The following EPHA10 variants were observed in gnomAD, a reference collection of about 807,000 sequenced individuals.
EPHA10 encodes EPH receptor A10.
EPHA10 carries 120 observed loss-of-function variants against 109.7 expected under a neutral mutation model. The ratio of observed to expected loss-of-function variants is 1.09; its 90% CI spans 0.94 to 1.27. The LOEUF (loss-of-function observed/expected upper bound fraction) is 1.27. Among genes scored for constraint, EPHA10 ranks in the 50% most tolerant of loss-of-function variants. The pLI, the probability that EPHA10 is intolerant of heterozygous loss-of-function variation, is 0.00. For missense variants in EPHA10, 1,396 were observed against 1,411.1 expected, an observed-to-expected ratio of 0.99 and a Z score of 0.17; for synonymous variants, 640 against 618.9, an observed-to-expected ratio of 1.03 and a Z score of -0.51.
chr1:37,730,309 G>A (rs958305127), intron 7 of EPHA10, among the ~76,000 whole-genome samples: 34 of 152,266 alleles, frequency 2.2e-4, no homozygotes, highest in African/African-American at 8.2e-4. Context: ...TCTTGGATTA[G>A]AGTCATGTAG....
Position 37,717,544 on chromosome 1 carries a change from G to GA in EPHA10, c.*827dup, listed in dbSNP as rs944808153. 8 of 231,554 alleles carry GA rather than the reference G, an allele frequency of 3.5e-5. No homozygotes were observed. Among genetic ancestry groups the GA allele is most frequent in the Admixed American group, 5.6e-5 (1 of 17,732 alleles). The allele number at this position is 231,554 out of a possible 1,614,324, so 14.3% of individuals were successfully genotyped here. A position where few individuals can be genotyped will look rare whatever the true frequency, so the allele number is the denominator to read the frequency against. On this transcript the variant is annotated 3_prime_UTR_variant, in exon 17 of 17. Coordinates refer to ENST00000373048, the MANE Select transcript of EPHA10 (RefSeq NM_001099439.2). ...TCTTCACCCTCCCCATGGCTGGAGA[G>GA]AAAAGCTCTTGGGTCCCTGGGGAGA...
At chr1:37,757,381 C>T (rs1646398789) in intron 3 of EPHA10, among the ~76,000 whole-genome samples, 1 of 152,174 alleles carries the variant, frequency 6.6e-6, no homozygotes, top group Non-Finnish European at 1.5e-5. Context: ...CCAATCATTT[C>T]CCTTCCCTTC....
intron 7 of EPHA10, among the ~76,000 whole-genome samples, chr1:37,727,871 C>T (rs1027390522): frequency 2.0e-5 from 3 of 152,208 alleles, no homozygotes; most frequent in Non-Finnish European, 2.9e-5. Flanking sequence ...AGAGGACCCT[C>T]GCTCTCAGCC....
intron 6 of EPHA10, among the ~76,000 whole-genome samples, chr1:37,732,910 G>A (rs1198049454): frequency 2.0e-5 from 1 of 49,410 alleles, no homozygotes; most frequent in Non-Finnish European, 3.6e-5. Flanking sequence ...TTTTTTTTGA[G>A]GCAGAGTCTT....
intron 5 of EPHA10, among the ~76,000 whole-genome samples, chr1:37,741,703 A>G (rs1052991847): frequency 6.6e-6 from 1 of 151,764 alleles, no homozygotes; most frequent in Non-Finnish European, 1.5e-5. Flanking sequence ...ATTGCCTCCC[A>G]TTCTAAAAAT....
At chr1:37,724,253 A>C (rs1569643708) in intron 8 of EPHA10, among the ~76,000 whole-genome samples, 1 of 152,216 alleles carries the variant, frequency 6.6e-6, no homozygotes, top group African/African-American at 2.4e-5. Context: ...GAAGTTGCCC[A>C]CAGTTTATGG....
rs1019379485 is a variant in EPHA10, at chr1:37,718,139, A to T, written c.*233T>A. ...TGCTGTTATCTCAGGGGTCCTCCCT[A>T]GGGATTTGAACCTCTTTTCAGGGGC... is the stretch of plus-strand genomic sequence containing the variant. On this transcript the variant is annotated 3_prime_UTR_variant, in exon 17 of 17. Transcript: ENST00000373048. 1.9e-6 allele frequency: 1 copy of T among 531,504 alleles called. No homozygotes were observed. The highest frequency in any genetic ancestry group is 3.3e-6 in the Non-Finnish European group (1 of 301,562). 32.9% of individuals were successfully genotyped at this position (531,504 alleles called of 1,614,324 possible).
chr1:37,763,909 CT>C (rs1305920551), intron 1 of EPHA10, among the ~76,000 whole-genome samples: 4 of 152,186 alleles, frequency 2.6e-5, no homozygotes, highest in Non-Finnish European at 2.9e-5. Context: ...ACTTCCACTG[CT>C]TTTGAAAGAA....
At chr1:37,733,472 G>T (rs927296518) in intron 6 of EPHA10, among the ~76,000 whole-genome samples, 4 of 152,168 alleles carry the variant, frequency 2.6e-5, no homozygotes, top group Non-Finnish European at 4.4e-5. Flanking sequence ...TCCCGTCTCA[G>T]CTTCCCAAAG....
rs995499579 is a variant in EPHA10 at position 37,717,312 on chromosome 1, G to A, written c.*1060C>T. On this transcript the variant is annotated 3_prime_UTR_variant, in exon 17 of 17. Transcript: ENST00000373048. The stretch of plus-strand genomic sequence containing the variant: ...GCACGGAGCTGGCTGGAGGGGAGTC[G>A]CCTCTAGAGTCCCCAAGGGCTGTAC... 8.6e-6 allele frequency: 2 copies of A among 232,124 alleles called. No homozygotes were observed. The highest frequency in any genetic ancestry group is 5.6e-5 in the Admixed American group (1 of 17,752). The allele number at this position is 232,124 out of a possible 1,614,324, so 14.4% of individuals were successfully genotyped here.
chr1:37,744,436 T>C (rs601936), intron 5 of EPHA10, among the ~76,000 whole-genome samples: 51,570 of 151,136 alleles, frequency 0.34, 8,834 homozygotes, highest in East Asian at 0.48. Context: ...AGGAGAACCA[T>C]TTGAACCCAG....
At chr1:37,750,225 G>C (rs978934055) in intron 5 of EPHA10, among the ~76,000 whole-genome samples, 6 of 152,266 alleles carry the variant, frequency 3.9e-5, no homozygotes, top group African/African-American at 1.4e-4. Context: ...TTGCAAGTGT[G>C]ATGATTGGGG....
intron 12 of EPHA10, 71 bp downstream of exon 12, chr1:37,720,712 A>G (rs1645778141): frequency 6.3e-7 from 1 of 1,585,402 alleles, no homozygotes; most frequent in Non-Finnish European, 8.6e-7. Flanking sequence ...AGCCCTACCA[A>G]AGAGAAAAGT....
At chr1:37,726,462 C>A (rs1645893738) in intron 8 of EPHA10, among the ~76,000 whole-genome samples, 1 of 152,238 alleles carries the variant, frequency 6.6e-6, no homozygotes, top group African/African-American at 2.4e-5. Flanking sequence ...AGCCTGGGAC[C>A]CATCTGGGCG....
chr1:37,749,280 T>C (rs1646287355), intron 5 of EPHA10, among the ~76,000 whole-genome samples: 1 of 151,946 alleles, frequency 6.6e-6, no homozygotes, highest in Non-Finnish European at 1.5e-5. Flanking sequence ...ACAGCAGCAC[T>C]AGATCAGTGG....
chr1:37,754,596 G>T lies in EPHA10; in HGVS notation c.851-226C>A, dbSNP rs1160583860. 6.6e-6 allele frequency among the ~76,000 whole-genome samples: 1 copy of T among 151,900 alleles called. No individual in the cohort carries two copies. The highest frequency in any genetic ancestry group is 1.5e-5 in the Non-Finnish European group (1 of 68,004). On this transcript the variant is annotated intron_variant, in intron 3 of 16. Coordinates refer to ENST00000373048, the MANE Select transcript of EPHA10 (RefSeq NM_001099439.2). The surrounding 1 kb of genome is among the most constrained non-coding windows in gnomAD (Gnocchi z 4.5). Reference sequence around the variant, plus strand: ...AAAACTTTGAAACATTTTACTTTCAGCCGGGCGCGGTGGCTCATGCCTGTA... The same window carrying T: ...AAAACTTTGAAACATTTTACTTTCATCCGGGCGCGGTGGCTCATGCCTGTA...
intron 3 of EPHA10, chr1:37,760,269 T>C (rs1646420106): frequency 1.9e-6 from 2 of 1,027,086 alleles, no homozygotes; most frequent in Non-Finnish European, 2.3e-6. Context: ...GAAAAGGACA[T>C]GGTTTAGAAA....
intron 7 of EPHA10, 118 bp downstream of exon 7, chr1:37,731,293 G>T: frequency 2.7e-6 from 3 of 1,119,740 alleles, no homozygotes; most frequent in South Asian, 2.0e-5. Context: ...TGTTCTGCAG[G>T]CTCCCTTCAT....
At chr1:37,730,293 T>C (rs1162757522) in intron 7 of EPHA10, among the ~76,000 whole-genome samples, 1 of 152,188 alleles carries the variant, frequency 6.6e-6, no homozygotes, top group Non-Finnish European at 1.5e-5. Context: ...CTCAGAGCTC[T>C]TCCTATCTTG....
Sources: allele counts gnomAD v4.1 joint callset (sites outside exome capture counted in the v4.1 genomes callset), GRCh38; gene constraint gnomAD v4.1.1; non-coding constraint Gnocchi (gnomAD v3.1); transcripts MANE v1.5; gene names NCBI Gene and HGNC (gene_info 2026-07-23, HGNC 2026-07-21).